Variants in AP4E1 observed in about 807,000 individuals in gnomAD.
The protein encoded by AP4E1 is adaptor related protein complex 4 subunit epsilon 1.
A neutral mutation model predicts 128.2 loss-of-function variants in AP4E1; 56 were observed. That is an observed-to-expected ratio of 0.44 (90% CI 0.35 to 0.55). The LOEUF is 0.55. Among genes scored for constraint, AP4E1 ranks in the 20% least tolerant of loss-of-function variants. The pLI is 0.00. For synonymous variants in AP4E1, 484 were observed against 473.1 expected, an observed-to-expected ratio of 1.02 and a Z score of -0.30; for missense variants, 1,324 against 1,307.7, an observed-to-expected ratio of 1.01 and a Z score of -0.19.
intron 16 of AP4E1, among the ~76,000 whole-genome samples, chr15:50,986,480 C>T (rs1370537143): frequency 1.3e-5 from 2 of 152,084 alleles, no homozygotes; most frequent in Non-Finnish European, 2.9e-5. Flanking sequence ...GAGATACGTC[C>T]CATCAATACC....
At chr15:50,980,018 T>A (rs1049901867) in intron 15 of AP4E1, among the ~76,000 whole-genome samples, 46 of 152,222 alleles carry the variant, frequency 3.0e-4, no homozygotes, top group African/African-American at 9.9e-4. Context: ...GCCGTAAACA[T>A]AATATTAAGG....
chr15:50,993,967 C>T (rs184455186), intron 17 of AP4E1, among the ~76,000 whole-genome samples: 5 of 152,298 alleles, frequency 3.3e-5, no homozygotes, highest in African/African-American at 9.6e-5. Context: ...GAATAATAAT[C>T]GTTCAACAGT....
At chr15:50,962,332 G>A (rs1889996992) in intron 14 of AP4E1, among the ~76,000 whole-genome samples, 1 of 151,980 alleles carries the variant, frequency 6.6e-6, no homozygotes, top group Admixed American at 6.6e-5. Context: ...CAAAGCTGGA[G>A]GCATCACACT....
At chr15:50,993,753 C>T in intron 17 of AP4E1, 128 bp downstream of exon 17, 2 of 1,074,562 alleles carry the variant, frequency 1.9e-6, no homozygotes, top group South Asian at 2.8e-5. Context: ...TTCTTACTCA[C>T]CATCATTTCC....
chr15:50,984,223 T>C (rs2064684757), intron 16 of AP4E1, 78 bp downstream of exon 16: 1 of 1,513,780 alleles, frequency 6.6e-7, no homozygotes, highest in African/African-American at 1.4e-5. Flanking sequence ...CTTCTGCTCC[T>C]GCCTCATATC....
intron 13 of AP4E1, 133 bp downstream of exon 13, chr15:50,950,302 A>G: frequency 3.2e-6 from 2 of 623,834 alleles, no homozygotes; most frequent in Admixed American, 2.9e-5. Context: ...AATGGCCACC[A>G]TCTATCACTT....
rs1057236720 is a variant in AP4E1 at position 50,941,511 on chromosome 15, C to T, written c.1013C>T (p.Ala338Val). The stretch of plus-strand genomic sequence containing the variant: ...AAATCGGAATTACTTGAGAAGGCTG[C>T]CAAGTGCATTGGAAAATTTGTTCTG... ...YPKSELLEKA[A>V]KCIGKFVLSP... The change falls in exon 9 of 21, where the codon GCC becomes GTC. Residue 338 changes from alanine (A) to valine (V), a missense_variant. Physicochemically the swap from Ala to Val is moderately conservative, Grantham distance 64. Transcript: ENST00000261842. 1 of 1,612,946 alleles carries T rather than the reference C, an allele frequency of 6.2e-7. No homozygotes were observed. The highest frequency in any genetic ancestry group is 8.5e-7 in the Non-Finnish European group (1 of 1,179,534).
chr15:50,934,920 AATTGTCTCTATTGAAAACAC>A (rs1424936577), intron 8 of AP4E1, among the ~76,000 whole-genome samples: 9 of 152,086 alleles, frequency 5.9e-5, no homozygotes, highest in Non-Finnish European at 1.2e-4. Flanking sequence ...TTATTATTAT[AATTGTCTCTATTGAAAACAC>A]ATATCAATTA....
In AP4E1 at chr15:50,972,848, A is replaced by T. The variant is rs566120160; in HGVS notation, c.1966+4471A>T. ...TTGGCTGGCCTTGGGGATGGGGGGC[A>T]TGTCTTCTGAGGGTAGCCCTATGGG... On this transcript the variant is annotated intron_variant, in intron 15 of 20. Coordinates refer to ENST00000261842, the MANE Select transcript of AP4E1 (RefSeq NM_007347.5). Among the ~76,000 whole-genome samples the T allele has an allele frequency of 1.1e-3, 166 of 152,310 alleles. 2 individuals carry two copies. The South Asian group carries it at 0.028, about 26-fold the overall frequency.
At position 51,002,468 on chromosome 15, in the gene AP4E1, C is replaced by G. The variant is rs779942427; in HGVS notation, c.3254-34C>G. 33 of 1,609,416 alleles carry G rather than the reference C, an allele frequency of 2.1e-5. No individual in the cohort carries two copies. In the South Asian group the frequency reaches 3.4e-4, roughly 17 times the overall value. On this transcript the variant is annotated intron_variant, in intron 20 of 20. Coordinates refer to ENST00000261842, the MANE Select transcript of AP4E1 (RefSeq NM_007347.5). The stretch of plus-strand genomic sequence containing the variant: ...AGAAATGTCTGTTTAACTCCTTTTG[C>G]ATTAAATCATTTTTCACTTTTGTTT...
At chr15:50,944,294 A>G (rs1016932933) in intron 10 of AP4E1, among the ~76,000 whole-genome samples, 1 of 152,120 alleles carries the variant, frequency 6.6e-6, no homozygotes, top group Non-Finnish European at 1.5e-5. Context: ...ACCAGGTTTT[A>G]TTACCTCTGT....
chr15:50,973,263 A>G (rs1054519639), intron 15 of AP4E1, among the ~76,000 whole-genome samples: 2 of 152,214 alleles, frequency 1.3e-5, no homozygotes, highest in African/African-American at 4.8e-5. Context: ...TGTGCTAGGC[A>G]TATTGAGTTA....
intron 16 of AP4E1, among the ~76,000 whole-genome samples, chr15:50,987,948 G>A (rs1341087387): frequency 1.3e-5 from 2 of 152,046 alleles, no homozygotes; most frequent in African/African-American, 4.8e-5. Flanking sequence ...AATAATATGT[G>A]TTATTGCTAC....
At position 50,941,704 on chromosome 15, in the gene AP4E1, A is replaced by G; in HGVS notation, c.1105A>G (p.Thr369Ala). Residue 369 changes from threonine (T) to alanine (A), a missense_variant, in exon 10 of 21, where the codon ACT becomes GCT. By Grantham distance (58) the Thr-to-Ala change is moderately conservative (BLOSUM62 0). Transcript: ENST00000261842. ...TACCTATGTTATCCAACAGGATCCT[A>G]CTCTGGCTCTTCAACACCAGATGAC... ...ALTYVIQQDPTLALQHQMTII... is the reference protein window; with the variant it reads ...ALTYVIQQDPALALQHQMTII... 6.2e-7 allele frequency: 1 copy of G among 1,613,684 alleles called. No individual in the cohort carries two copies. The highest frequency in any genetic ancestry group is 8.5e-7 in the Non-Finnish European group (1 of 1,179,760).
intron 3 of AP4E1, among the ~76,000 whole-genome samples, chr15:50,919,902 C>T (rs1012064798): frequency 6.6e-6 from 1 of 151,676 alleles, no homozygotes; most frequent in Non-Finnish European, 1.5e-5. Flanking sequence ...CATGGTGAAA[C>T]CCCATCTCTA....
Position 50,954,457 on chromosome 15 carries a change from TTTG to T in AP4E1, c.1549-4014_1549-4012del, listed in dbSNP as rs900199359. Among the ~76,000 whole-genome samples the T allele has an allele frequency of 2.4e-4, 37 of 151,984 alleles. No homozygotes were observed. In the East Asian group the frequency reaches 2.5e-3, roughly 10 times the overall value. On this transcript the variant is annotated intron_variant, in intron 13 of 20. Transcript: ENST00000261842. The stretch of plus-strand genomic sequence containing the variant: ...ACTGAATTTTCATTCAATAGTTCAG[TTTG>T]TTGTTGTTGTTGTTGTTGTTTTTCC...
At chr15:50,943,821 A>G (rs1420987807) in intron 10 of AP4E1, among the ~76,000 whole-genome samples, 1 of 152,186 alleles carries the variant, frequency 6.6e-6, no homozygotes, top group Non-Finnish European at 1.5e-5. Context: ...GTGTGAATAC[A>G]AAGGGATGAT....
chr15:50,941,851 T>G, intron 10 of AP4E1, 76 bp downstream of exon 10: 1 of 1,046,114 alleles, frequency 9.6e-7, no homozygotes, highest in Non-Finnish European at 1.5e-6. Flanking sequence ...GTAGAGAGAT[T>G]AAAGTGGTGG....
intron 15 of AP4E1, among the ~76,000 whole-genome samples, chr15:50,971,229 T>C (rs1373135840): frequency 6.6e-6 from 1 of 152,162 alleles, no homozygotes; most frequent in Non-Finnish European, 1.5e-5. Context: ...TCATGCTGTT[T>C]TTTCTTTTTC....
Sources: gnomAD v4.1 joint callset for allele counts (sites outside exome capture counted in the v4.1 genomes callset) on GRCh38, gnomAD v4.1.1 for gene constraint, MANE v1.5 for transcripts, NCBI Gene and HGNC (gene_info 2026-07-23, HGNC 2026-07-21) for gene names.